The following LMX1A variants were observed in gnomAD, a reference collection of about 807,000 sequenced individuals.
LMX1A encodes the protein LIM homeobox transcription factor 1-alpha.
A neutral mutation model predicts 49.1 loss-of-function variants in LMX1A; 15 were observed. The observed-to-expected ratio is 0.31, with a 90% CI of 0.20 to 0.47. The LOEUF (loss-of-function observed/expected upper bound fraction) is 0.47, where lower values mean the gene tolerates loss of function less well. Ranked by LOEUF, LMX1A falls within the 20% of genes least tolerant of loss-of-function variation. LMX1A has a pLI of 1.00. For missense variants in LMX1A, 372 were observed against 475.8 expected (o/e 0.78, Z 2.03); for synonymous variants, 167 against 185.7 (o/e 0.90, Z 0.82).
At chr1:165,275,122 C>T (rs972543866) in intron 3 of LMX1A, among the ~76,000 whole-genome samples, 1 of 151,992 alleles carries the variant, frequency 6.6e-6, no homozygotes, top group African/African-American at 2.4e-5. Context: ...CTATGGTTTC[C>T]AATAAATGAG....
At chr1:165,280,779 T>C (rs185015598) in intron 3 of LMX1A, among the ~76,000 whole-genome samples, 147 of 152,216 alleles carry the variant, frequency 9.7e-4, no homozygotes, top group African/African-American at 3.1e-3. Flanking sequence ...ACACAAACAG[T>C]ACTGAACTTT....
chr1:165,352,956 T>C, intron 3 of LMX1A, 120 bp downstream of exon 3: 4 of 1,060,368 alleles, frequency 3.8e-6, no homozygotes, highest in Non-Finnish European at 5.6e-6. Flanking sequence ...GAAGGGAAGT[T>C]CTGCTCGCTG....
intron 7 of LMX1A, among the ~76,000 whole-genome samples, chr1:165,206,741 C>T (rs931997543): frequency 6.6e-6 from 1 of 152,118 alleles, no homozygotes; most frequent in Non-Finnish European, 1.5e-5. Context: ...AAAAGTTGGT[C>T]CCACATAAAG....
intron 3 of LMX1A, among the ~76,000 whole-genome samples, chr1:165,312,085 G>T (rs984093407): frequency 6.6e-6 from 1 of 152,144 alleles, no homozygotes; most frequent in Non-Finnish European, 1.5e-5. Flanking sequence ...TAATGATTTG[G>T]ATGTTTTCCT....
intron 4 of LMX1A, among the ~76,000 whole-genome samples, chr1:165,227,711 C>G (rs1304062322): frequency 6.6e-6 from 1 of 152,052 alleles, no homozygotes; most frequent in Non-Finnish European, 1.5e-5. Context: ...TACTGAGCAC[C>G]ATAGTATCCA....
intron 3 of LMX1A, among the ~76,000 whole-genome samples, chr1:165,346,869 T>C (rs1656262052): frequency 6.6e-6 from 1 of 152,230 alleles, no homozygotes; most frequent in Non-Finnish European, 1.5e-5. Flanking sequence ...ACCAGGGCCA[T>C]AGCAATTTTA....
intron 4 of LMX1A, among the ~76,000 whole-genome samples, chr1:165,230,465 C>G (rs568616405): frequency 6.6e-6 from 1 of 152,258 alleles, no homozygotes; most frequent in African/African-American, 2.4e-5. Flanking sequence ...TGATGAACTT[C>G]TCAAGTTTTA....
intron 3 of LMX1A, among the ~76,000 whole-genome samples, chr1:165,348,364 T>C (rs954861581): frequency 1.3e-5 from 2 of 151,952 alleles, no homozygotes; most frequent in Admixed American, 6.6e-5. Flanking sequence ...CCAATACATA[T>C]AAAAAGAGAA....
At chr1:165,353,521 C>T (rs1269425812) in intron 2 of LMX1A, among the ~76,000 whole-genome samples, 1 of 152,162 alleles carries the variant, frequency 6.6e-6, no homozygotes, top group Admixed American at 6.5e-5. Context: ...CTTTAATTAA[C>T]AAACATACCC....
At position 165,218,262 on chromosome 1, in the gene LMX1A, T is replaced by C. The variant is rs2298219; in HGVS notation, c.497-4449A>G. ...ACTGCTGATGGTTAGCATGGTTTGA[T>C]ATGTTCTCTCCCACAGTCAATAACA... is the stretch of plus-strand genomic sequence containing the variant. On this transcript the variant is annotated intron_variant, in intron 4 of 8. Transcript: ENST00000342310. 2.1e-3 allele frequency among the ~76,000 whole-genome samples: 323 copies of C among 152,362 alleles called. 1 individual carries two copies. The East Asian group carries it at 0.024, about 11-fold the overall frequency.
At chr1:165,245,512 A>C (rs568554678) in intron 4 of LMX1A, among the ~76,000 whole-genome samples, 45 of 138,336 alleles carry the variant, frequency 3.3e-4, no homozygotes, top group African/African-American at 1.3e-3. Context: ...AGTCTCTTTA[A>C]TTATTTATGA....
At chr1:165,317,176 A>G (rs562874946) in intron 3 of LMX1A, among the ~76,000 whole-genome samples, 4 of 152,274 alleles carry the variant, frequency 2.6e-5, no homozygotes, top group African/African-American at 9.6e-5. Flanking sequence ...TGTGGAACCC[A>G]CTCAGAACAA....
At chr1:165,211,721 C>T (rs1300926338) in intron 5 of LMX1A, among the ~76,000 whole-genome samples, 1 of 152,146 alleles carries the variant, frequency 6.6e-6, no homozygotes, top group Non-Finnish European at 1.5e-5. Flanking sequence ...TAGGAGTGTA[C>T]TCAGGGGCCC....
At chr1:165,210,563 C>CAAAAATA in intron 6 of LMX1A, 136 bp downstream of exon 6, 1 of 495,460 alleles carries the variant, frequency 2.0e-6, no homozygotes, top group South Asian at 5.4e-5. Context: ...TTATTGATAA[C>CAAAAATA]AGAATTTTTG....
chr1:165,239,067 T>TG (rs1652551512), intron 4 of LMX1A, among the ~76,000 whole-genome samples: 1 of 1,186 alleles, frequency 8.4e-4, no homozygotes, highest in Admixed American at 0.013. Flanking sequence ...ATCATCATCA[T>TG]GAAAAAATCA....
chr1:165,301,263 G>A (rs530935179), intron 3 of LMX1A, among the ~76,000 whole-genome samples: 6 of 152,078 alleles, frequency 3.9e-5, no homozygotes, highest in Admixed American at 6.5e-5. Flanking sequence ...CCTGCCTCTC[G>A]TCCCACCTGG....
intron 4 of LMX1A, among the ~76,000 whole-genome samples, chr1:165,232,967 G>A (rs1652286646): frequency 6.6e-6 from 1 of 152,172 alleles, no homozygotes; most frequent in Non-Finnish European, 1.5e-5. Flanking sequence ...TGTAGGAATA[G>A]GATGTTGAAC....
At chr1:165,228,365 T>C (rs1043808713) in intron 4 of LMX1A, among the ~76,000 whole-genome samples, 1 of 152,226 alleles carries the variant, frequency 6.6e-6, no homozygotes, top group Non-Finnish European at 1.5e-5. Context: ...AGCAGCTTTC[T>C]TTTGTTGCTA....
chr1:165,309,582 C>T (rs1005149918), intron 3 of LMX1A, among the ~76,000 whole-genome samples: 6 of 152,208 alleles, frequency 3.9e-5, no homozygotes, highest in Admixed American at 1.3e-4. Flanking sequence ...CCCAATCCTT[C>T]CTGTAGGTTC....
Sources: gnomAD v4.1 joint callset for allele counts (sites outside exome capture counted in the v4.1 genomes callset) on GRCh38, gnomAD v4.1.1 for gene constraint, MANE v1.5 for transcripts, NCBI Gene and HGNC (gene_info 2026-07-23, HGNC 2026-07-21) for gene names.